Variants in NFIB observed in about 807,000 individuals in gnomAD.
The protein encoded by NFIB is nuclear factor I B, also known as nuclear factor 1 B-type.
In NFIB, 11 loss-of-function variants were observed where a neutral mutation model predicts 61.5. The observed-to-expected ratio is 0.18, with a 90% confidence interval of 0.11 to 0.30. The LOEUF (loss-of-function observed/expected upper bound fraction) is 0.30, where lower values mean the gene tolerates loss of function less well. NFIB is among the 10% of genes least tolerant of loss of function. The probability of loss-of-function intolerance (pLI) is 1.00; values close to 1 mark genes in which losing one functional copy is unlikely to be tolerated. For synonymous variants in NFIB, 260 were observed against 216.5 expected, an observed-to-expected ratio of 1.20 and a Z score of -1.76; for missense variants, 471 against 608.9, an observed-to-expected ratio of 0.77 and a Z score of 2.38.
At chr9:14,269,839 T>C (rs1009804831) in intron 2 of NFIB, among the ~76,000 whole-genome samples, 1 of 152,200 alleles carries the variant, frequency 6.6e-6, no homozygotes, top group Non-Finnish European at 1.5e-5. Context: ...AATGGAGTTA[T>C]GGCAAGCAAA....
At chr9:14,256,053 G>A (rs750600791) in intron 2 of NFIB, among the ~76,000 whole-genome samples, 2 of 152,174 alleles carry the variant, frequency 1.3e-5, no homozygotes, top group African/African-American at 2.4e-5. Context: ...GCTACCAATG[G>A]TGCCTGCCCC....
At chr9:14,293,765 T>G (rs918339914) in intron 2 of NFIB, among the ~76,000 whole-genome samples, 1 of 152,182 alleles carries the variant, frequency 6.6e-6, no homozygotes, top group Non-Finnish European at 1.5e-5. Flanking sequence ...TCCTGGATAT[T>G]AGATTGAAAA....
intron 2 of NFIB, among the ~76,000 whole-genome samples, chr9:14,279,975 C>T (rs2058261840): frequency 6.6e-6 from 1 of 152,182 alleles, no homozygotes; most frequent in Non-Finnish European, 1.5e-5. Context: ...GCTCTGATAG[C>T]AGCTGAAGTG....
At chr9:14,497,944 G>A in the NFIB span, among the ~76,000 whole-genome samples, 5 of 152,216 alleles carry the variant, frequency 3.3e-5, no homozygotes, top group African/African-American at 1.2e-4. Context: ...GGAAGTACCA[G>A]AAGTTTCAAA....
intron 2 of NFIB, among the ~76,000 whole-genome samples, chr9:14,216,465 C>T (rs2050872144): frequency 2.0e-5 from 3 of 150,344 alleles, no homozygotes; most frequent in African/African-American, 7.4e-5. Flanking sequence ...TCTGTATCCA[C>T]AGGTAAGAAG....
intron 10 of NFIB, among the ~76,000 whole-genome samples, chr9:14,107,017 T>C (rs927765916): frequency 1.3e-5 from 2 of 152,150 alleles, no homozygotes; most frequent in Non-Finnish European, 2.9e-5. Context: ...GGAGAACATC[T>C]TGAAAGGTAT....
chr9:14,157,570 G>C (rs926536034), intron 3 of NFIB, among the ~76,000 whole-genome samples: 11 of 152,094 alleles, frequency 7.2e-5, no homozygotes, highest in African/African-American at 2.7e-4. Flanking sequence ...TCTATTTTAA[G>C]AAACTCTTAT....
chr9:14,268,204 G>A (rs2057356057), intron 2 of NFIB, among the ~76,000 whole-genome samples: 1 of 151,792 alleles, frequency 6.6e-6, no homozygotes, highest in African/African-American at 2.4e-5. Context: ...TTAAAAGCCT[G>A]GCTTAAAACG....
chr9:14,125,284 A>G (rs968175600), intron 7 of NFIB, among the ~76,000 whole-genome samples: 1 of 152,042 alleles, frequency 6.6e-6, no homozygotes, highest in African/African-American at 2.4e-5. Context: ...CAGCCTCCTG[A>G]GTAGCTGGGA....
intron 1 of NFIB, among the ~76,000 whole-genome samples, chr9:14,395,541 G>T (rs2061674402): frequency 6.6e-6 from 1 of 151,662 alleles, no homozygotes; most frequent in Non-Finnish European, 1.5e-5. Context: ...CAAATATAAA[G>T]CTCCCTTAAT....
the NFIB span, among the ~76,000 whole-genome samples, chr9:14,477,638 G>A: frequency 2.6e-5 from 4 of 152,154 alleles, no homozygotes; most frequent in Non-Finnish European, 4.4e-5. Context: ...AGTTGGGCTG[G>A]TTCAGAGTTA....
At chr9:14,459,182 G>A in the NFIB span, among the ~76,000 whole-genome samples, 60 of 152,216 alleles carry the variant, frequency 3.9e-4, no homozygotes, top group Middle Eastern at 0.014. Context: ...TAGACCAATG[G>A]AACAGAACAG....
intron 9 of NFIB, among the ~76,000 whole-genome samples, chr9:14,115,750 A>G (rs2038034254): frequency 6.6e-6 from 1 of 152,232 alleles, no homozygotes; most frequent in Admixed American, 6.5e-5. Context: ...ACAATGATGT[A>G]AACATGCAAT....
chr9:14,442,914 T>C, the NFIB span, among the ~76,000 whole-genome samples: 1 of 152,056 alleles, frequency 6.6e-6, no homozygotes, highest in African/African-American at 2.4e-5. Flanking sequence ...GTGTTTGCAG[T>C]CTGCGGAAGG....
At position 14,307,041 on chromosome 9, in the gene NFIB, T is replaced by C. The variant is rs779852155; in HGVS notation, c.510A>G (p.Thr170=). ...PALCVQPHHI[T]VSVKELDLFL... Reference sequence around the variant, plus strand: ...ACAAATCAAGCTCCTTAACTGATACTGTGATATGATGTGGCTGGACACAAA... The same window carrying C: ...ACAAATCAAGCTCCTTAACTGATACCGTGATATGATGTGGCTGGACACAAA... The change falls in exon 2 of 11, where the codon ACA becomes ACG. Residue 170 remains threonine, a synonymous_variant. Coordinates refer to ENST00000380953, the MANE Select transcript of NFIB (RefSeq NM_001190737.2). The surrounding 1 kb of genome is among the most constrained non-coding windows in gnomAD (Gnocchi z 5.3). The C allele has an allele frequency of 1.9e-6, 3 of 1,614,078 alleles. No homozygotes were observed. Among genetic ancestry groups the C allele is most frequent in the East Asian group, 4.5e-5 (2 of 44,896 alleles).
chr9:14,178,066 T>C (rs1365548715), intron 3 of NFIB, among the ~76,000 whole-genome samples: 1 of 152,140 alleles, frequency 6.6e-6, no homozygotes, highest in African/African-American at 2.4e-5. Context: ...AGAAAACATA[T>C]CCGTTGTTTA....
intron 2 of NFIB, among the ~76,000 whole-genome samples, chr9:14,225,854 C>T (rs574661622): frequency 6.6e-6 from 1 of 152,176 alleles, no homozygotes; most frequent in South Asian, 2.1e-4. Context: ...TTCTTTTATG[C>T]TGACTGTATA....
chr9:14,201,650 T>G (rs2382459), intron 2 of NFIB, among the ~76,000 whole-genome samples: 127,138 of 152,070 alleles, frequency 0.84, 53,444 homozygotes, highest in South Asian at 0.93. Context: ...ATACATTACT[T>G]CTCTCCAAGA....
At chr9:14,326,929 T>G (rs997236452) in intron 1 of NFIB, among the ~76,000 whole-genome samples, 1 of 152,210 alleles carries the variant, frequency 6.6e-6, no homozygotes, top group African/African-American at 2.4e-5. Flanking sequence ...CTCACACTTT[T>G]GTGCAACTTT....
Sources: allele counts gnomAD v4.1 joint callset (sites outside exome capture counted in the v4.1 genomes callset), GRCh38; gene constraint gnomAD v4.1.1; non-coding constraint Gnocchi (gnomAD v3.1); transcripts MANE v1.5; gene names NCBI Gene and HGNC (gene_info 2026-07-23, HGNC 2026-07-21).